The following RBMS3 variants were observed in gnomAD, a reference collection of about 807,000 sequenced individuals.
RBMS3 encodes the protein RNA binding motif single stranded interacting protein 3, also known as RNA-binding motif, single-stranded-interacting protein 3.
Under a neutral mutation model 66.8 loss-of-function variants are expected in RBMS3, and 27 were observed. The ratio of observed to expected loss-of-function variants is 0.40; its 90% CI spans 0.30 to 0.56. The LOEUF (loss-of-function observed/expected upper bound fraction) is 0.56, where lower values mean the gene tolerates loss of function less well. Among genes scored for constraint, RBMS3 ranks in the 20% least tolerant of loss-of-function variants. The pLI is 0.40. For missense variants in RBMS3, 513 were observed against 549.5 expected (o/e 0.93, Z 0.66); for synonymous variants, 188 against 183.0 (o/e 1.03, Z -0.22).
chr3:29,868,239 C>T (rs1159529042), intron 6 of RBMS3, among the ~76,000 whole-genome samples: 2 of 152,056 alleles, frequency 1.3e-5, no homozygotes, highest in African/African-American at 4.8e-5. Flanking sequence ...ATAGCCATAT[C>T]CTTTGGCTAT....
chr3:29,690,190 C>A (rs1287477882), intron 4 of RBMS3, among the ~76,000 whole-genome samples: 1 of 151,968 alleles, frequency 6.6e-6, no homozygotes, highest in Non-Finnish European at 1.5e-5. Context: ...TGGCTCATGC[C>A]TATAATCACA....
intron 1 of RBMS3, among the ~76,000 whole-genome samples, chr3:29,348,880 CAGT>C (rs2125553740): frequency 6.6e-6 from 1 of 152,286 alleles, no homozygotes; most frequent in East Asian, 1.9e-4. Flanking sequence ...CCCAAGTCTG[CAGT>C]AGAAGGGACT....
intron 6 of RBMS3, among the ~76,000 whole-genome samples, chr3:29,800,997 A>G (rs1213552654): frequency 8.1e-6 from 1 of 122,826 alleles, no homozygotes; most frequent in Admixed American, 8.3e-5. Context: ...ATGCGTGCAC[A>G]CACGCATGCA....
At chr3:29,667,996 T>C (rs2149241332) in intron 4 of RBMS3, among the ~76,000 whole-genome samples, 1 of 152,308 alleles carries the variant, frequency 6.6e-6, no homozygotes, top group Middle Eastern at 3.4e-3. Flanking sequence ...TCCTTTACTA[T>C]CTTTGAACGA....
Position 29,944,254 on chromosome 3 carries a change from G to T in RBMS3, c.1098G>T (p.Gln366His), listed in dbSNP as rs1435585097. 1 of 1,586,606 alleles carries T rather than the reference G, an allele frequency of 6.3e-7. No homozygotes were observed. Among genetic ancestry groups the T allele is most frequent in the African/African-American group, 1.3e-5 (1 of 74,120 alleles). The stretch of plus-strand genomic sequence containing the variant: ...TGATACTCCACCAGCTGTTGTGTCA[G>T]GTAGGAAAATTCTAATTCTTTTAAG... Reference protein sequence around the residue: ...RIMILHQLLCQYMTAAAPMQG... With the variant: ...RIMILHQLLCHYMTAAAPMQG... The change falls in exon 12 of 15, where the codon CAG becomes CAT. Residue 366 changes from glutamine (Q) to histidine (H), a missense_variant and splice_region_variant. Coordinates refer to ENST00000383767, the MANE Select transcript of RBMS3 (RefSeq NM_001003793.3).
intron 4 of RBMS3, among the ~76,000 whole-genome samples, chr3:29,695,944 A>C (rs181651853): frequency 6.6e-6 from 1 of 152,324 alleles, no homozygotes; most frequent in Admixed American, 6.5e-5. Context: ...GAGCAGTGAG[A>C]TGGCCAAGGG....
At chr3:29,416,920 A>C (rs1249870486) in intron 1 of RBMS3, among the ~76,000 whole-genome samples, 1 of 152,138 alleles carries the variant, frequency 6.6e-6, no homozygotes, top group Non-Finnish European at 1.5e-5. Context: ...ACAAGTTATA[A>C]GCTATTACCA....
At chr3:29,296,972 A>G (rs1167725445) in intron 1 of RBMS3, among the ~76,000 whole-genome samples, 2 of 151,462 alleles carry the variant, frequency 1.3e-5, no homozygotes, top group Admixed American at 6.6e-5. Context: ...AATCATTAAT[A>G]TATATTATAC....
intron 10 of RBMS3, among the ~76,000 whole-genome samples, chr3:29,907,505 C>T (rs1375144770): frequency 6.6e-6 from 1 of 151,684 alleles, no homozygotes. Flanking sequence ...TTCCTTTTGC[C>T]AATTTTATTG....
intron 12 of RBMS3, among the ~76,000 whole-genome samples, chr3:29,970,145 A>G (rs1577281123): frequency 2.0e-5 from 3 of 152,322 alleles, no homozygotes; most frequent in African/African-American, 7.2e-5. Context: ...ACATGACTTC[A>G]TTGGGCAAAA....
intron 10 of RBMS3, among the ~76,000 whole-genome samples, chr3:29,905,250 A>G (rs1171470784): frequency 6.6e-6 from 1 of 152,052 alleles, no homozygotes; most frequent in African/African-American, 2.4e-5. Flanking sequence ...TTTGACTCAC[A>G]GCCTATATTT....
At chr3:29,913,474 A>C (rs2060567661) in intron 10 of RBMS3, among the ~76,000 whole-genome samples, 1 of 152,162 alleles carries the variant, frequency 6.6e-6, no homozygotes, top group Middle Eastern at 3.4e-3. Context: ...ACTTAACATA[A>C]GTATAATTTC....
intron 4 of RBMS3, among the ~76,000 whole-genome samples, chr3:29,663,930 T>A (rs2050653974): frequency 6.6e-6 from 1 of 152,192 alleles, no homozygotes; most frequent in African/African-American, 2.4e-5. Flanking sequence ...ATGAATTAAT[T>A]GCTCAATTGA....
chr3:29,461,801 T>C (rs181115030), intron 2 of RBMS3, among the ~76,000 whole-genome samples: 1 of 152,042 alleles, frequency 6.6e-6, no homozygotes, highest in East Asian at 1.9e-4. Flanking sequence ...TCACCTAGGC[T>C]GGACTGCAGT....
chr3:29,963,498 T>G (rs1282738701), intron 12 of RBMS3, among the ~76,000 whole-genome samples: 1 of 152,234 alleles, frequency 6.6e-6, no homozygotes, highest in Non-Finnish European at 1.5e-5. Flanking sequence ...AGACTGTTTT[T>G]GTCTTCTTAC....
intron 6 of RBMS3, among the ~76,000 whole-genome samples, chr3:29,865,050 A>AAGGC (rs199919005): frequency 0.013 from 1,587 of 122,262 alleles, 43 homozygotes; most frequent in African/African-American, 0.045. Flanking sequence ...GGAAGGAGGG[A>AAGGC]AGGAAGGAAG....
At chr3:29,972,708 C>T (rs1297744339) in intron 12 of RBMS3, among the ~76,000 whole-genome samples, 2 of 151,996 alleles carry the variant, frequency 1.3e-5, no homozygotes, top group Admixed American at 6.6e-5. Flanking sequence ...TTGGCATTCA[C>T]GATGTGTGGG....
At chr3:29,557,972 G>T (rs890121170) in intron 3 of RBMS3, among the ~76,000 whole-genome samples, 2 of 152,024 alleles carry the variant, frequency 1.3e-5, no homozygotes, top group African/African-American at 2.4e-5. Context: ...AACAGGAAAA[G>T]AAAGCCACAA....
chr3:29,955,127 A>G (rs568255382), intron 12 of RBMS3, among the ~76,000 whole-genome samples: 53 of 152,002 alleles, frequency 3.5e-4, no homozygotes, highest in Non-Finnish European at 7.2e-4. Context: ...ATGTCATACC[A>G]CAGAACCACA....
Sources: allele counts gnomAD v4.1 joint callset (sites outside exome capture counted in the v4.1 genomes callset), GRCh38; gene constraint gnomAD v4.1.1; transcripts MANE v1.5; gene names NCBI Gene and HGNC (gene_info 2026-07-23, HGNC 2026-07-21).